DUSP13A: variants seen among roughly 807,000 people sequenced by gnomAD.
DUSP13A encodes the protein dual specificity phosphatase 13A.
chr10:75,108,074 G>A, the DUSP13A span: 1 of 1,613,900 alleles, frequency 6.2e-7, no homozygotes, highest in South Asian at 1.1e-5. Flanking sequence ...GGAGGTCGTG[G>A]GCTGGCACCC....
chr10:75,108,978 C>A, the DUSP13A span: 1 of 1,571,676 alleles, frequency 6.4e-7, no homozygotes, highest in Non-Finnish European at 8.7e-7. Context: ...CACGTCCCCA[C>A]CCCCATGCCC....
At chr10:75,108,979 C>T in the DUSP13A span, 1 of 1,573,218 alleles carries the variant, frequency 6.4e-7, no homozygotes, top group Non-Finnish European at 8.6e-7. Context: ...ACGTCCCCAC[C>T]CCCATGCCCC....
At chr10:75,105,731 G>C in the DUSP13A span, 1 of 1,554,534 alleles carries the variant, frequency 6.4e-7, no homozygotes, top group Non-Finnish European at 8.7e-7. Flanking sequence ...AGGAAGCCTC[G>C]GTTGGGGAAG....
chr10:75,107,858 T>C, the DUSP13A span: 5 of 1,120,644 alleles, frequency 4.5e-6, no homozygotes, highest in South Asian at 8.0e-5. Context: ...ATTACAAGCA[T>C]GAGCCACCAC....
chr10:75,108,306 G>A, the DUSP13A span: 1 of 1,494,334 alleles, frequency 6.7e-7, no homozygotes, highest in Non-Finnish European at 8.8e-7. Flanking sequence ...CGAGCCATTA[G>A]GGTCCAAAGA....
At chr10:75,108,919 C>A in the DUSP13A span, 3 of 1,492,116 alleles carry the variant, frequency 2.0e-6, no homozygotes, top group Admixed American at 4.3e-5. Flanking sequence ...GCTATTTCTC[C>A]TTGTTTCCAC....
chr10:75,106,298 C>G, the DUSP13A span, among the ~76,000 whole-genome samples: 1 of 151,752 alleles, frequency 6.6e-6, no homozygotes, highest in African/African-American at 2.4e-5. Context: ...TCAGATTGTC[C>G]CTCCCCCACC....
chr10:75,108,289 G>T, the DUSP13A span: 1 of 1,510,842 alleles, frequency 6.6e-7, no homozygotes, highest in South Asian at 1.3e-5. Context: ...CCCTGCTGCA[G>T]AGGGACCGAG....
the DUSP13A span, chr10:75,105,910 G>A: frequency 0.017 from 26,542 of 1,528,576 alleles, 325 homozygotes; most frequent in Non-Finnish European, 0.022. Context: ...CCCACACACC[G>A]GCCCACCCAC....
chr10:75,108,922 G>A, the DUSP13A span: 1 of 1,495,400 alleles, frequency 6.7e-7, no homozygotes, highest in Non-Finnish European at 9.0e-7. Context: ...ATTTCTCCTT[G>A]TTTCCACCCT....
chr10:75,108,152 G>T, the DUSP13A span: 7 of 1,612,926 alleles, frequency 4.3e-6, no homozygotes, highest in Non-Finnish European at 5.9e-6. Flanking sequence ...TGTGGGCGGC[G>T]TTCAGCACGT....
the DUSP13A span, among the ~76,000 whole-genome samples, chr10:75,107,663 G>A: frequency 1.3e-5 from 2 of 151,930 alleles, no homozygotes; most frequent in East Asian, 1.9e-4. Flanking sequence ...TGCAACCTCC[G>A]CCCCCCATGT....
At chr10:75,108,168 A>T in the DUSP13A span, 2 of 1,612,200 alleles carry the variant, frequency 1.2e-6, no homozygotes, top group Non-Finnish European at 1.7e-6. Context: ...CACGTGGGTG[A>T]TGCCCAGCTT....
chr10:75,107,980 C>A, the DUSP13A span: 2 of 1,605,894 alleles, frequency 1.2e-6, no homozygotes, highest in Admixed American at 1.7e-5. Flanking sequence ...GGGCTTGGAC[C>A]CCAAGTCCTA....
chr10:75,108,952 C>CCAAG, the DUSP13A span: 1 of 1,543,690 alleles, frequency 6.5e-7, no homozygotes, highest in Non-Finnish European at 8.8e-7. Flanking sequence ...GGTAAAGCGA[C>CCAAG]CAAGAACTGC....
At chr10:75,107,796 TG>T in the DUSP13A span, among the ~76,000 whole-genome samples, 3 of 152,112 alleles carry the variant, frequency 2.0e-5, no homozygotes, top group African/African-American at 7.2e-5. Context: ...AGGCTGGTCT[TG>T]AACTCCTGAC....
the DUSP13A span, among the ~76,000 whole-genome samples, chr10:75,107,103 AG>A: frequency 6.6e-6 from 1 of 152,194 alleles, no homozygotes; most frequent in African/African-American, 2.4e-5. Flanking sequence ...TGGGAGGCCG[AG>A]GCAGACAGAT....
chr10:75,108,408 T>C, the DUSP13A span: 2 of 956,626 alleles, frequency 2.1e-6, no homozygotes, highest in Non-Finnish European at 3.0e-6. Flanking sequence ...CGGCGGTGTG[T>C]GTGTCGGGGG....
chr10:75,105,748 C>T, the DUSP13A span: 100 of 1,554,118 alleles, frequency 6.4e-5, no homozygotes, highest in Admixed American at 3.3e-4. Context: ...GAAGACCCAT[C>T]GGTGCTGCCT....
Sources: gnomAD v4.1 joint callset for allele counts (sites outside exome capture counted in the v4.1 genomes callset) on GRCh38, gnomAD v4.1.1 for gene constraint, MANE v1.5 for transcripts, NCBI Gene and HGNC (gene_info 2026-07-23, HGNC 2026-07-21) for gene names.